The following MGAT5 variants were observed in gnomAD, a reference collection of about 807,000 sequenced individuals.
MGAT5 encodes the protein alpha-1,6-mannosylglycoprotein 6-beta-N-acetylglucosaminyltransferase, also known as alpha-1,6-mannosylglycoprotein 6-beta-N-acetylglucosaminyltransferase A.
In MGAT5, 30 loss-of-function variants were observed where a neutral mutation model predicts 94.3. The ratio of observed to expected loss-of-function variants is 0.32; its 90% CI spans 0.24 to 0.43. MGAT5 has a LOEUF of 0.43. MGAT5 is among the 20% of genes least tolerant of loss of function. MGAT5 has a pLI of 1.00. For missense variants in MGAT5, 691 were observed against 905.5 expected, an observed-to-expected ratio of 0.76 and a Z score of 3.04; for synonymous variants, 310 against 322.9, an observed-to-expected ratio of 0.96 and a Z score of 0.43.
chr2:134,183,451 G>A (rs1253757629), intron 1 of MGAT5, among the ~76,000 whole-genome samples: 1 of 152,216 alleles, frequency 6.6e-6, no homozygotes, highest in Non-Finnish European at 1.5e-5. Context: ...TGGGTACACT[G>A]TATAGAAACT....
chr2:134,189,265 C>T (rs1365547677), intron 1 of MGAT5, among the ~76,000 whole-genome samples: 1 of 152,112 alleles, frequency 6.6e-6, no homozygotes, highest in Admixed American at 6.5e-5. Flanking sequence ...TTCTGGTGAC[C>T]AGACTCCAGC....
At chr2:134,409,861 G>A (rs909292789) in intron 11 of MGAT5, among the ~76,000 whole-genome samples, 27 of 152,140 alleles carry the variant, frequency 1.8e-4, no homozygotes, top group African/African-American at 6.0e-4. Flanking sequence ...AAAACGTATG[G>A]TGCCTCATCT....
At chr2:134,262,868 G>C (rs1349935941) in intron 1 of MGAT5, among the ~76,000 whole-genome samples, 1 of 152,216 alleles carries the variant, frequency 6.6e-6, no homozygotes, top group African/African-American at 2.4e-5. Context: ...GGTAGAGCCT[G>C]ACCAGACATG....
intron 1 of MGAT5, among the ~76,000 whole-genome samples, chr2:134,193,675 T>TTGTGTGTGTGTGTG (rs58044792): frequency 6.9e-5 from 9 of 130,892 alleles, no homozygotes; most frequent in South Asian, 2.7e-4. Context: ...CCCCAAATCT[T>TTGTGTGTGTGTGTG]TGTGTGTGTG....
intron 1 of MGAT5, among the ~76,000 whole-genome samples, chr2:134,232,796 GTCT>G (rs1411231500): frequency 2.0e-5 from 3 of 152,094 alleles, no homozygotes; most frequent in African/African-American, 7.2e-5. Context: ...AATGGCATGG[GTCT>G]TCTTGATTCT....
intron 10 of MGAT5, among the ~76,000 whole-genome samples, chr2:134,399,596 G>C (rs1354996003): frequency 1.3e-5 from 2 of 152,222 alleles, no homozygotes; most frequent in Non-Finnish European, 2.9e-5. Flanking sequence ...GGCGACAGAG[G>C]TGGTTGCATG....
At chr2:134,421,574 ACT>A (rs746741729) in intron 12 of MGAT5, among the ~76,000 whole-genome samples, 2 of 150,746 alleles carry the variant, frequency 1.3e-5, no homozygotes, top group Admixed American at 1.3e-4. Context: ...ACAAAGCAAA[ACT>A]CTGTTTCAAA....
intron 2 of MGAT5, among the ~76,000 whole-genome samples, chr2:134,282,481 C>T (rs970815843): frequency 6.6e-6 from 1 of 152,206 alleles, no homozygotes; most frequent in Non-Finnish European, 1.5e-5. Flanking sequence ...GAGGGATGCT[C>T]TGCTGAAAAT....
intron 1 of MGAT5, among the ~76,000 whole-genome samples, chr2:134,153,534 A>G (rs1043429258): frequency 3.3e-5 from 5 of 152,238 alleles, no homozygotes; most frequent in African/African-American, 9.6e-5. Context: ...TTAAAAACAA[A>G]GAAATAAAAC....
intron 2 of MGAT5, among the ~76,000 whole-genome samples, chr2:134,316,557 A>T (rs915087316): frequency 1.3e-5 from 2 of 152,152 alleles, no homozygotes; most frequent in African/African-American, 4.8e-5. Context: ...ATTAGACCGT[A>T]AGCTTCATTT....
At chr2:134,222,961 G>A (rs1257205) in intron 1 of MGAT5, among the ~76,000 whole-genome samples, 49,038 of 151,872 alleles carry the variant, frequency 0.32, 8,320 homozygotes, top group South Asian at 0.48. Context: ...CAAAACATAA[G>A]CATTGTTCTG....
intron 1 of MGAT5, among the ~76,000 whole-genome samples, chr2:134,124,637 G>A (rs1055643205): frequency 1.3e-5 from 2 of 152,202 alleles, no homozygotes; most frequent in Non-Finnish European, 2.9e-5. Context: ...CCTTGCTCAG[G>A]TGGCTCCCTG....
intron 4 of MGAT5, among the ~76,000 whole-genome samples, chr2:134,334,358 A>C (rs1688203933): frequency 6.6e-6 from 1 of 151,950 alleles, no homozygotes; most frequent in Non-Finnish European, 1.5e-5. Flanking sequence ...CTCTCCTCTT[A>C]GTTGATTTTC....
intron 2 of MGAT5, among the ~76,000 whole-genome samples, chr2:134,271,033 A>G (rs1683993753): frequency 1.3e-5 from 2 of 152,176 alleles, no homozygotes; most frequent in Non-Finnish European, 1.5e-5. Context: ...CTTTTAGGAG[A>G]TAACCCCTGC....
At chr2:134,197,430 A>G (rs1679550363) in intron 1 of MGAT5, among the ~76,000 whole-genome samples, 1 of 152,246 alleles carries the variant, frequency 6.6e-6, no homozygotes, top group African/African-American at 2.4e-5. Flanking sequence ...GAGTGACTGG[A>G]AAAGCAAAGC....
rs9678165 is a variant in MGAT5, at chr2:134,376,116, G to A, written c.1380+13708G>A. ...GGCCTCCAGATGGTGCCAGCACACC[G>A]ACAATGAATAATGAGGAGCTTCCCA... On this transcript the variant is annotated intron_variant, in intron 10 of 15. Coordinates refer to ENST00000281923, the MANE Select transcript of MGAT5 (RefSeq NM_002410.5). Among the ~76,000 whole-genome samples the A allele has an allele frequency of 6.6e-5, 10 of 152,278 alleles. No individual in the cohort carries two copies. The East Asian group carries it at 1.9e-3, about 29-fold the overall frequency.
chr2:134,445,821 A>G (rs1382314933), intron 15 of MGAT5, among the ~76,000 whole-genome samples: 2 of 152,160 alleles, frequency 1.3e-5, no homozygotes, highest in African/African-American at 4.8e-5. Context: ...ACTGCCTGGA[A>G]AGGCAGGGAC....
intron 9 of MGAT5, among the ~76,000 whole-genome samples, chr2:134,350,204 T>A (rs962268173): frequency 6.6e-6 from 1 of 152,182 alleles, no homozygotes; most frequent in African/African-American, 2.4e-5. Context: ...TAGAAACTAT[T>A]TGGGAAAGGA....
chr2:134,445,671 A>G (rs980248351), intron 15 of MGAT5, among the ~76,000 whole-genome samples: 1 of 152,188 alleles, frequency 6.6e-6, no homozygotes, highest in Non-Finnish European at 1.5e-5. Context: ...ATGGGCCCAG[A>G]AACTTTAACT....
Sources: gnomAD v4.1 joint callset for allele counts (sites outside exome capture counted in the v4.1 genomes callset) on GRCh38, gnomAD v4.1.1 for gene constraint, MANE v1.5 for transcripts, NCBI Gene and HGNC (gene_info 2026-07-23, HGNC 2026-07-21) for gene names.